The following PVALEF variants were observed in gnomAD, a reference collection of about 807,000 sequenced individuals.
PVALEF encodes parvalbumin like EF-hand containing.
In PVALEF, 2 loss-of-function variants were observed where a neutral mutation model predicts 1.2. That is an observed-to-expected ratio of 1.68 (90% CI 0.69 to 5.28). The LOEUF (loss-of-function observed/expected upper bound fraction) is 5.28. Among genes scored for constraint, PVALEF ranks in the 30% most tolerant of loss-of-function variants. The pLI, the probability that PVALEF is intolerant of heterozygous loss-of-function variation, is 0.06. For missense variants in PVALEF, 35 were observed against 17.7 expected (o/e 1.97, Z -1.75); for synonymous variants, 16 against 6.5 (o/e 2.47, Z -2.24).
intron 2 of PVALEF, among the ~76,000 whole-genome samples, chr17:81,170,305 G>A (rs371487876): frequency 2.6e-5 from 4 of 151,746 alleles, no homozygotes; most frequent in Admixed American, 6.6e-5. Context: ...ATGTGTGTCT[G>A]TGTTGGTATG....
At chr17:81,177,708 T>C (rs1169957630) in intron 2 of PVALEF, among the ~76,000 whole-genome samples, 2 of 152,224 alleles carry the variant, frequency 1.3e-5, no homozygotes, top group African/African-American at 4.8e-5. Context: ...ACGTGTGTTC[T>C]GCAGGTGACT....
intron 1 of PVALEF, among the ~76,000 whole-genome samples, 180 bp from the exon 2 acceptor site, chr17:81,166,497 G>A (rs1206653193): frequency 3.6e-5 from 2 of 55,676 alleles, no homozygotes; most frequent in African/African-American, 1.1e-4. Flanking sequence ...GGGGCACGGA[G>A]GCTGGCGGGG....
At position 81,179,165 on chromosome 17, in the gene PVALEF, A is replaced by G. The variant is rs2061545242; in HGVS notation, c.-105+13A>G. The stretch of plus-strand genomic sequence containing the variant: ...AAGCCAGGCAGAGGTAAGCCCTGCC[A>G]AGGAGGGGGGTGTGGGTCTCTGGCC... On this transcript the variant is annotated intron_variant, in intron 3 of 6. Transcript: ENST00000637878. 1.2e-5 allele frequency: 4 copies of G among 340,204 alleles called. No individual in the cohort carries two copies. Among genetic ancestry groups the G allele is most frequent in the South Asian group, 6.3e-5 (3 of 47,444 alleles). The allele number at this position is 340,204 out of a possible 1,614,324, so 21.1% of individuals were successfully genotyped here. A position where few individuals can be genotyped will look rare whatever the true frequency, so the allele number is the denominator to read the frequency against.
At chr17:81,170,169 A>G (rs560394208) in intron 2 of PVALEF, among the ~76,000 whole-genome samples, 9 of 142,788 alleles carry the variant, frequency 6.3e-5, no homozygotes, top group African/African-American at 2.1e-4. Context: ...GTGTGTGTGC[A>G]TGTGTAGGTG....
rs533340756 is a variant in PVALEF, at chr17:81,177,794, A to C, written c.-339-1124A>C. 3.3e-5 allele frequency among the ~76,000 whole-genome samples: 5 copies of C among 152,322 alleles called. No individual in the cohort carries two copies. The South Asian group carries it at 1.0e-3, about 32-fold the overall frequency. On this transcript the variant is annotated intron_variant, in intron 2 of 6. Coordinates refer to ENST00000637878, the MANE Select transcript of PVALEF (RefSeq NM_001354639.2). ...GATTGCTTCATCTCATCCAAAAGCT[A>C]TTACAGATAATATTTCAATCACCCT...
At chr17:81,167,252 C>T (rs1351599975) in intron 2 of PVALEF, among the ~76,000 whole-genome samples, 1 of 152,010 alleles carries the variant, frequency 6.6e-6, no homozygotes, top group Non-Finnish European at 1.5e-5. Flanking sequence ...AAGATGGCAC[C>T]ACTGCACTCC....
chr17:81,180,455 C>T (rs1335889124), intron 3 of PVALEF, among the ~76,000 whole-genome samples: 1 of 152,162 alleles, frequency 6.6e-6, no homozygotes, highest in South Asian at 2.1e-4. Flanking sequence ...CCCACATGCC[C>T]GCTCACCACC....
intron 2 of PVALEF, among the ~76,000 whole-genome samples, chr17:81,170,647 G>C (rs1318387331): frequency 6.6e-6 from 1 of 152,144 alleles, no homozygotes. Context: ...TCCTGCAGAT[G>C]TCTGAATCCC....
At chr17:81,180,662 G>A (rs1213363132) in intron 3 of PVALEF, among the ~76,000 whole-genome samples, 1 of 152,152 alleles carries the variant, frequency 6.6e-6, no homozygotes, top group African/African-American at 2.4e-5. Flanking sequence ...CCTGGTCCAG[G>A]GGCTGCAACT....
At chr17:81,181,934 C>T (rs1294522474) in intron 5 of PVALEF, 32 bp from the exon 6 acceptor site, 1 of 398,398 alleles carries the variant, frequency 2.5e-6, no homozygotes, top group Admixed American at 4.4e-5. Flanking sequence ...CCGGAAGCCC[C>T]TTGGCCCTGA....
intron 2 of PVALEF, among the ~76,000 whole-genome samples, chr17:81,175,081 C>G (rs1248989719): frequency 6.6e-6 from 1 of 152,028 alleles, no homozygotes; most frequent in East Asian, 1.9e-4. Context: ...AAGTCAACAC[C>G]CAAGTATCAG....
intron 2 of PVALEF, among the ~76,000 whole-genome samples, chr17:81,173,398 C>T (rs140115681): frequency 6.6e-6 from 1 of 152,292 alleles, no homozygotes; most frequent in East Asian, 1.9e-4. Flanking sequence ...AGTGGGCCAC[C>T]TCCATGGACC....
chr17:81,174,964 A>AAT (rs1203821714), intron 2 of PVALEF, among the ~76,000 whole-genome samples: 1 of 151,436 alleles, frequency 6.6e-6, no homozygotes, highest in East Asian at 1.9e-4. Flanking sequence ...AAAAAAAAAA[A>AAT]TTACCTCTGT....
intron 2 of PVALEF, among the ~76,000 whole-genome samples, chr17:81,174,659 A>G (rs1259935356): frequency 6.6e-6 from 1 of 150,470 alleles, no homozygotes; most frequent in East Asian, 2.0e-4. Flanking sequence ...ATGTCTAATT[A>G]CCTCTGTTTG....
At chr17:81,180,675 C>T (rs562505326) in intron 3 of PVALEF, among the ~76,000 whole-genome samples, 31 of 152,126 alleles carry the variant, frequency 2.0e-4, no homozygotes, top group African/African-American at 4.6e-4. Context: ...CTGCAACTGG[C>T]GCTCCTCACA....
intron 2 of PVALEF, among the ~76,000 whole-genome samples, chr17:81,175,949 A>T (rs1029827439): frequency 6.6e-6 from 1 of 152,228 alleles, no homozygotes; most frequent in African/African-American, 2.4e-5. Context: ...AACTAAAAAA[A>T]TTTGTGGGTC....
chr17:81,181,451 G>C (rs964132422), intron 4 of PVALEF, 108 bp from the exon 5 acceptor site: 1 of 517,508 alleles, frequency 1.9e-6, no homozygotes, highest in Non-Finnish European at 3.4e-6. Context: ...GGCGGGCGGG[G>C]ACATGGGGGT....
intron 2 of PVALEF, among the ~76,000 whole-genome samples, chr17:81,169,257 A>G (rs866957802): frequency 1.3e-5 from 2 of 152,328 alleles, no homozygotes; most frequent in Middle Eastern, 3.4e-3. Context: ...TGTACCCTTT[A>G]AAGTGGTGAA....
intron 2 of PVALEF, among the ~76,000 whole-genome samples, chr17:81,173,012 A>G (rs944666379): frequency 1.8e-4 from 27 of 152,290 alleles, no homozygotes; most frequent in African/African-American, 6.3e-4. Flanking sequence ...TTATTGGGGT[A>G]TCAGGAAACA....
Sources: allele counts gnomAD v4.1 joint callset (sites outside exome capture counted in the v4.1 genomes callset), GRCh38; gene constraint gnomAD v4.1.1; transcripts MANE v1.5; gene names NCBI Gene and HGNC (gene_info 2026-07-23, HGNC 2026-07-21).